PKHD1: variants seen among roughly 807,000 people sequenced by gnomAD.
The protein encoded by PKHD1 is fibrocystin.
Under a neutral mutation model 412.0 loss-of-function variants are expected in PKHD1, and 291 were observed. The observed-to-expected ratio is 0.71, with a 90% confidence interval of 0.64 to 0.78. PKHD1 has a LOEUF of 0.78. Among genes scored for constraint, PKHD1 ranks in the 30% least tolerant of loss-of-function variants. PKHD1 has a pLI of 0.00. For synonymous variants in PKHD1, 1,777 were observed against 1,821.5 expected (o/e 0.98, Z 0.62); for missense variants, 4,825 against 4,950.7 (o/e 0.97, Z 0.76).
At chr6:51,989,241 CTAAT>C (rs752644943) in intron 35 of PKHD1, among the ~76,000 whole-genome samples, 5 of 152,166 alleles carry the variant, frequency 3.3e-5, no homozygotes, top group Non-Finnish European at 5.9e-5. Context: ...AAAACTTATA[CTAAT>C]TAAAGCCATA....
chr6:51,667,428 G>T (rs1275331207), intron 60 of PKHD1, among the ~76,000 whole-genome samples: 3 of 149,296 alleles, frequency 2.0e-5, no homozygotes, highest in African/African-American at 7.4e-5. Flanking sequence ...TGAGTTCATT[G>T]TAGATTCTGG....
At position 51,807,455 on chromosome 6, in the gene PKHD1, A is replaced by AT. The variant is rs1562356140; in HGVS notation, c.8303-16083_8303-16082insA. ...TCTGTCTCAAAAAAAAAAAAAAAAAAAAAATATATATATATATATATATAT... is the reference window on the plus strand; with the variant it reads ...TCTGTCTCAAAAAAAAAAAAAAAAAATAAAATATATATATATATATATATAT... On this transcript the variant is annotated intron_variant, in intron 52 of 66. Coordinates refer to ENST00000371117, the MANE Select transcript of PKHD1 (RefSeq NM_138694.4). Among the ~76,000 whole-genome samples, 117 of 39,284 alleles carry AT rather than the reference A, an allele frequency of 3.0e-3. 1 individual carries two copies. Among genetic ancestry groups the AT allele is most frequent in the African/African-American group, 8.7e-3 (114 of 13,036 alleles). 25.8% of individuals were successfully genotyped at this position (39,284 alleles called of 152,430 possible). A position where few individuals can be genotyped will look rare whatever the true frequency, so the allele number is the denominator to read the frequency against.
intron 35 of PKHD1, among the ~76,000 whole-genome samples, chr6:51,974,128 T>A (rs1794046043): frequency 6.6e-6 from 1 of 152,194 alleles, no homozygotes; most frequent in African/African-American, 2.4e-5. Context: ...TTCTACCATT[T>A]CCCACTCATT....
intron 46 of PKHD1, among the ~76,000 whole-genome samples, chr6:51,881,484 T>C (rs1777350075): frequency 6.6e-6 from 1 of 152,152 alleles, no homozygotes; most frequent in Non-Finnish European, 1.5e-5. Flanking sequence ...AACAGCACAG[T>C]ATAAATATAA....
At chr6:51,970,777 T>G (rs967950690) in intron 35 of PKHD1, among the ~76,000 whole-genome samples, 1 of 152,260 alleles carries the variant, frequency 6.6e-6, no homozygotes, top group African/African-American at 2.4e-5. Context: ...TGACTTTATT[T>G]CTGGGTTGTC....
chr6:51,860,275 T>C (rs1773974495), intron 48 of PKHD1, among the ~76,000 whole-genome samples: 3 of 152,304 alleles, frequency 2.0e-5, no homozygotes, highest in South Asian at 4.1e-4. Context: ...AGATGGCTTG[T>C]ACTGACCATC....
intron 46 of PKHD1, among the ~76,000 whole-genome samples, chr6:51,874,381 T>C (rs527688945): frequency 6.6e-6 from 1 of 152,332 alleles, no homozygotes; most frequent in African/African-American, 2.4e-5. Flanking sequence ...TCATGCTATA[T>C]AGCACATGTC....
chr6:52,023,926 C>T (rs968050837), intron 32 of PKHD1, among the ~76,000 whole-genome samples: 3 of 152,188 alleles, frequency 2.0e-5, no homozygotes, highest in Non-Finnish European at 4.4e-5. Flanking sequence ...TTAGTTAGTA[C>T]TCCAACAGTC....
chr6:51,636,885 T>G (rs2150319866), intron 64 of PKHD1, among the ~76,000 whole-genome samples: 1 of 152,314 alleles, frequency 6.6e-6, no homozygotes, highest in East Asian at 1.9e-4. Context: ...TTTATAAATC[T>G]CATTCTGAAA....
At chr6:51,856,977 C>T (rs901381739) in intron 48 of PKHD1, among the ~76,000 whole-genome samples, 1 of 152,146 alleles carries the variant, frequency 6.6e-6, no homozygotes, top group Non-Finnish European at 1.5e-5. Context: ...CGTATAAAAA[C>T]GTTCAGAAGA....
In PKHD1 at chr6:51,618,203, A is replaced by G. The variant is rs1040957536; in HGVS notation, c.*878T>C. 2.0e-5 allele frequency: 3 copies of G among 152,184 alleles called. No individual in the cohort carries two copies. Among genetic ancestry groups the G allele is most frequent in the African/African-American group, 7.2e-5 (3 of 41,428 alleles). 9.4% of individuals were successfully genotyped at this position (152,184 alleles called of 1,614,324 possible). A position where few individuals can be genotyped will look rare whatever the true frequency, so the allele number is the denominator to read the frequency against. On this transcript the variant is annotated 3_prime_UTR_variant, in exon 67 of 67. Coordinates refer to ENST00000371117, the MANE Select transcript of PKHD1 (RefSeq NM_138694.4). ...CATAATCTCTCCTCTCCTTAGTATC[A>G]CAGCTTTATGCATCATCTTCTCCAA... is the stretch of plus-strand genomic sequence containing the variant.
intron 34 of PKHD1, among the ~76,000 whole-genome samples, chr6:52,016,995 T>C (rs375143657): frequency 6.6e-6 from 1 of 152,204 alleles, no homozygotes; most frequent in Admixed American, 6.5e-5. Context: ...CATTGTACAA[T>C]CTGCTGGATT....
At chr6:51,920,731 G>A (rs372952946) in intron 37 of PKHD1, among the ~76,000 whole-genome samples, 15 of 152,276 alleles carry the variant, frequency 9.9e-5, no homozygotes, top group African/African-American at 3.6e-4. Flanking sequence ...GGTAGAATTC[G>A]GCTGTGAATC....
At chr6:51,735,354 T>C (rs1582358994) in intron 60 of PKHD1, among the ~76,000 whole-genome samples, 1 of 152,206 alleles carries the variant, frequency 6.6e-6, no homozygotes, top group Non-Finnish European at 1.5e-5. Context: ...GATCCCTTCA[T>C]GTTAAGGTTG....
chr6:51,908,732 A>G (rs893031942), intron 40 of PKHD1, among the ~76,000 whole-genome samples: 1 of 152,052 alleles, frequency 6.6e-6, no homozygotes, highest in Non-Finnish European at 1.5e-5. Flanking sequence ...TCTGGCCAAG[A>G]TCTGCACATG....
chr6:52,061,343 T>C (rs571662564), intron 14 of PKHD1, among the ~76,000 whole-genome samples: 1 of 152,224 alleles, frequency 6.6e-6, no homozygotes, highest in African/African-American at 2.4e-5. Flanking sequence ...CCATCACACC[T>C]GGCTAATTTT....
intron 52 of PKHD1, among the ~76,000 whole-genome samples, chr6:51,830,109 G>A (rs1767996373): frequency 6.6e-6 from 1 of 151,998 alleles, no homozygotes; most frequent in African/African-American, 2.4e-5. Flanking sequence ...CTTCCATTAT[G>A]GATCTTCTTT....
chr6:51,847,721 A>T (rs1771454598), intron 50 of PKHD1, 54 bp downstream of exon 50: 1 of 1,224,340 alleles, frequency 8.2e-7, no homozygotes, highest in Non-Finnish European at 1.2e-6. Context: ...TTGAAGGGTG[A>T]TTGGTGATTT....
intron 28 of PKHD1, among the ~76,000 whole-genome samples, 196 bp from the exon 29 acceptor site, chr6:52,033,361 C>T (rs1357280945): frequency 6.6e-6 from 1 of 152,168 alleles, no homozygotes; most frequent in Non-Finnish European, 1.5e-5. Flanking sequence ...CCCACACCCA[C>T]AACACAGAGT....
Sources: allele counts gnomAD v4.1 joint callset (sites outside exome capture counted in the v4.1 genomes callset), GRCh38; gene constraint gnomAD v4.1.1; transcripts MANE v1.5; gene names NCBI Gene and HGNC (gene_info 2026-07-23, HGNC 2026-07-21).